The following SPIDR variants were observed in gnomAD, a reference collection of about 807,000 sequenced individuals.
The protein encoded by SPIDR is DNA repair-scaffolding protein.
A neutral mutation model predicts 104.6 loss-of-function variants in SPIDR; 93 were observed. That is an observed-to-expected ratio of 0.89 (90% CI 0.75 to 1.06). SPIDR has a LOEUF of 1.06. Among genes scored for constraint, SPIDR ranks in the 50% least tolerant of loss-of-function variants. SPIDR has a pLI of 0.00. For missense variants in SPIDR, 1,154 were observed against 1,111.2 expected, an observed-to-expected ratio of 1.04 and a Z score of -0.55; for synonymous variants, 431 against 416.9, an observed-to-expected ratio of 1.03 and a Z score of -0.41.
chr8:47,286,200 C>T (rs2038815451), intron 3 of SPIDR, among the ~76,000 whole-genome samples: 2 of 152,146 alleles, frequency 1.3e-5, no homozygotes, highest in African/African-American at 2.4e-5. Flanking sequence ...AAAGCAACTG[C>T]AGGTCTCTCT....
chr8:47,308,793 G>C (rs2043587009), intron 5 of SPIDR, among the ~76,000 whole-genome samples: 1 of 152,200 alleles, frequency 6.6e-6, no homozygotes. Flanking sequence ...CTTTTTGCCT[G>C]TCCTTGGTTC....
intron 5 of SPIDR, among the ~76,000 whole-genome samples, chr8:47,383,550 T>G (rs1480644201): frequency 2.0e-5 from 3 of 152,118 alleles, no homozygotes; most frequent in East Asian, 3.9e-4. Context: ...ATGCACAGAC[T>G]TTACCACTGA....
At chr8:47,350,899 T>C (rs186247965) in intron 5 of SPIDR, among the ~76,000 whole-genome samples, 32 of 152,122 alleles carry the variant, frequency 2.1e-4, no homozygotes, top group African/African-American at 7.7e-4. Context: ...ATTCTAGGAG[T>C]GATTAATTTT....
intron 8 of SPIDR, among the ~76,000 whole-genome samples, chr8:47,571,267 C>T (rs2058491050): frequency 6.6e-6 from 1 of 152,050 alleles, no homozygotes; most frequent in African/African-American, 2.4e-5. Flanking sequence ...TTGACATTTG[C>T]TGAGAGAGTG....
chr8:47,570,576 GA>G (rs1208091110), intron 8 of SPIDR, among the ~76,000 whole-genome samples: 1 of 152,090 alleles, frequency 6.6e-6, no homozygotes, highest in Non-Finnish European at 1.5e-5. Context: ...TCAAGATTAA[GA>G]ACTTTTGTGC....
intron 6 of SPIDR, 105 bp from the exon 7 acceptor site, chr8:47,407,756 G>C: frequency 1.8e-6 from 1 of 555,282 alleles, no homozygotes; most frequent in Non-Finnish European, 3.1e-6. Context: ...AATTTTGCAT[G>C]TTTTATCTGT....
chr8:47,364,020 A>G (rs782089773), intron 5 of SPIDR, among the ~76,000 whole-genome samples: 1 of 152,164 alleles, frequency 6.6e-6, no homozygotes, highest in African/African-American at 2.4e-5. Flanking sequence ...TTCTAAATAC[A>G]CTTGGATCAT....
chr8:47,344,189 A>G (rs185053724), intron 5 of SPIDR, among the ~76,000 whole-genome samples: 149 of 147,162 alleles, frequency 1.0e-3, no homozygotes, highest in Non-Finnish European at 1.5e-3. Flanking sequence ...TCATTGTTCA[A>G]TTCCCACCTA....
At chr8:47,509,941 A>C (rs1184546223) in intron 8 of SPIDR, among the ~76,000 whole-genome samples, 1 of 152,092 alleles carries the variant, frequency 6.6e-6, no homozygotes, top group Non-Finnish European at 1.5e-5. Flanking sequence ...CACGACACAC[A>C]CTTAACACAC....
chr8:47,423,508 A>G (rs540197705), intron 7 of SPIDR, among the ~76,000 whole-genome samples: 1 of 152,160 alleles, frequency 6.6e-6, no homozygotes, highest in African/African-American at 2.4e-5. Context: ...AAGCTGAGGC[A>G]TGAGAATCAC....
At chr8:47,413,052 A>G (rs1315738696) in intron 7 of SPIDR, among the ~76,000 whole-genome samples, 1 of 152,202 alleles carries the variant, frequency 6.6e-6, no homozygotes, top group East Asian at 1.9e-4. Flanking sequence ...AAATATTTGC[A>G]TTATTGGGTT....
chr8:47,593,656 C>G (rs1202212060), intron 8 of SPIDR, among the ~76,000 whole-genome samples: 1 of 152,184 alleles, frequency 6.6e-6, no homozygotes, highest in Non-Finnish European at 1.5e-5. Flanking sequence ...TGACACTGCT[C>G]TGGTAGGAGA....
intron 5 of SPIDR, among the ~76,000 whole-genome samples, chr8:47,366,436 G>T (rs573530864): frequency 6.6e-6 from 1 of 152,210 alleles, no homozygotes; most frequent in South Asian, 2.1e-4. Context: ...GATAGGGCAA[G>T]GCTGTGCACA....
At chr8:47,587,375 G>A (rs1043023586) in intron 8 of SPIDR, among the ~76,000 whole-genome samples, 4 of 151,960 alleles carry the variant, frequency 2.6e-5, no homozygotes, top group African/African-American at 9.7e-5. Flanking sequence ...AGGCAGAGAC[G>A]AGAAGATTAC....
At chr8:47,275,363 C>T (rs2036203910) in intron 1 of SPIDR, among the ~76,000 whole-genome samples, 1 of 151,834 alleles carries the variant, frequency 6.6e-6, no homozygotes, top group Non-Finnish European at 1.5e-5. Context: ...GTTTCCTGCC[C>T]GTTTTTATAC....
intron 5 of SPIDR, among the ~76,000 whole-genome samples, chr8:47,295,375 A>G (rs2040658902): frequency 6.6e-6 from 1 of 152,142 alleles, no homozygotes; most frequent in African/African-American, 2.4e-5. Flanking sequence ...TATAGTCTTC[A>G]TTCTGTGTAT....
chr8:47,357,926 C>G (rs543499052), intron 5 of SPIDR: 2 of 922,424 alleles, frequency 2.2e-6, no homozygotes, highest in East Asian at 1.2e-4. Flanking sequence ...GTGATTTCAG[C>G]AGGCTTGCAT....
chr8:47,642,754 T>C (rs1396109598), intron 10 of SPIDR, among the ~76,000 whole-genome samples: 1 of 151,776 alleles, frequency 6.6e-6, no homozygotes, highest in East Asian at 1.9e-4. Flanking sequence ...ACTAAAAATT[T>C]AAAAATTAGC....
At chr8:47,683,840 A>G (rs1301325655) in intron 11 of SPIDR, among the ~76,000 whole-genome samples, 1 of 152,166 alleles carries the variant, frequency 6.6e-6, no homozygotes, top group African/African-American at 2.4e-5. Flanking sequence ...ATAAAAACCC[A>G]ATTTGGCCGG....
Sources: gnomAD v4.1 joint callset for allele counts (sites outside exome capture counted in the v4.1 genomes callset) on GRCh38, gnomAD v4.1.1 for gene constraint, MANE v1.5 for transcripts, NCBI Gene and HGNC (gene_info 2026-07-23, HGNC 2026-07-21) for gene names.